GRM8: variants seen among roughly 807,000 people sequenced by gnomAD.
The protein encoded by GRM8 is metabotropic glutamate receptor 8.
GRM8 carries 47 observed loss-of-function variants against 87.2 expected under a neutral mutation model. The observed-to-expected ratio is 0.54, with a 90% CI of 0.43 to 0.69. The LOEUF (loss-of-function observed/expected upper bound fraction) is 0.69. Ranked by LOEUF, GRM8 falls within the 30% of genes least tolerant of loss-of-function variation. GRM8 has a pLI of 0.00. For synonymous variants in GRM8, 396 were observed against 404.5 expected (o/e 0.98, Z 0.25); for missense variants, 1,019 against 1,139.2 (o/e 0.89, Z 1.52).
At chr7:126,813,902 C>G (rs1315668274) in intron 6 of GRM8, among the ~76,000 whole-genome samples, 31 of 152,052 alleles carry the variant, frequency 2.0e-4, no homozygotes, top group Admixed American at 2.0e-3. Flanking sequence ...TGCATTGTCC[C>G]TTACTCAAAA....
chr7:126,914,174 G>A (rs1803617440), intron 3 of GRM8, among the ~76,000 whole-genome samples: 1 of 152,116 alleles, frequency 6.6e-6, no homozygotes, highest in African/African-American at 2.4e-5. Context: ...CGAAAAAAAT[G>A]CTCAACATCA....
Position 126,533,074 on chromosome 7 carries a change from T to C in GRM8, c.2308A>G (p.Thr770Ala), listed in dbSNP as rs906775201. ...TTGAAAGTCTCTGGGACACCTCTCG[T>C]TTTAATGGCATAAACAGTACAAGTG... ...MVTCTVYAIK[T>A]RGVPETFNEA... is the part of the protein sequence containing the mutation. The change falls in exon 9 of 11, where the codon ACG becomes GCG. Residue 770 changes from threonine to alanine, a missense_variant. Thr to Ala is a moderately conservative substitution (Grantham distance 58). Coordinates refer to ENST00000339582, the MANE Select transcript of GRM8 (RefSeq NM_000845.3). 165 of 1,613,394 alleles carry C rather than the reference T, an allele frequency of 1.0e-4. No homozygotes were observed. Among genetic ancestry groups the C allele is most frequent in the Non-Finnish European group, 1.4e-4 (162 of 1,179,794 alleles).
intron 7 of GRM8, among the ~76,000 whole-genome samples, chr7:126,632,610 T>C (rs759082010): frequency 6.6e-6 from 1 of 152,024 alleles, no homozygotes. Context: ...CTATTCACAA[T>C]AAAAAAGTCA....
intron 7 of GRM8, among the ~76,000 whole-genome samples, chr7:126,709,719 C>T (rs1222544484): frequency 6.6e-6 from 1 of 152,082 alleles, no homozygotes; most frequent in African/African-American, 2.4e-5. Context: ...ATCTATTCCT[C>T]CTTTTCCATT....
chr7:126,694,010 A>G, intron 7 of GRM8, among the ~76,000 whole-genome samples: 1 of 151,974 alleles, frequency 6.6e-6, no homozygotes, highest in East Asian at 1.9e-4. Flanking sequence ...AATTTGTATG[A>G]CCATTATAAA....
chr7:126,800,234 A>C (rs1267199860), intron 6 of GRM8, among the ~76,000 whole-genome samples: 1 of 152,050 alleles, frequency 6.6e-6, no homozygotes, highest in African/African-American at 2.4e-5. Context: ...ATCATATCCT[A>C]ATGCATTGCT....
intron 6 of GRM8, among the ~76,000 whole-genome samples, chr7:126,887,255 T>C (rs1165696288): frequency 6.6e-6 from 1 of 152,102 alleles, no homozygotes; most frequent in East Asian, 1.9e-4. Flanking sequence ...AATAAGACTG[T>C]GTATGGTTTA....
At chr7:127,040,317 G>A (rs1818305742) in intron 3 of GRM8, among the ~76,000 whole-genome samples, 1 of 152,034 alleles carries the variant, frequency 6.6e-6, no homozygotes, top group African/African-American at 2.4e-5. Context: ...CAATACCTGA[G>A]AGGCACATTC....
chr7:127,055,318 C>G (rs1819875761), intron 3 of GRM8, among the ~76,000 whole-genome samples: 1 of 152,000 alleles, frequency 6.6e-6, no homozygotes. Context: ...TCTGAAGGAT[C>G]CAAAGAGGTC....
intron 2 of GRM8, among the ~76,000 whole-genome samples, chr7:127,116,600 C>T (rs561911911): frequency 1.3e-5 from 2 of 152,284 alleles, no homozygotes; most frequent in Admixed American, 6.5e-5. Flanking sequence ...TCACCTGGTC[C>T]GCAAGGGACA....
At chr7:126,809,607 T>C (rs1374888804) in intron 6 of GRM8, among the ~76,000 whole-genome samples, 1 of 152,176 alleles carries the variant, frequency 6.6e-6, no homozygotes, top group Non-Finnish European at 1.5e-5. Flanking sequence ...ATTGATTTGT[T>C]CAAGACCTCA....
intron 8 of GRM8, among the ~76,000 whole-genome samples, chr7:126,608,786 C>G (rs1352712030): frequency 7.2e-6 from 1 of 139,280 alleles, no homozygotes; most frequent in Non-Finnish European, 1.5e-5. Context: ...TTTCTTGAGA[C>G]GGAGTCTCGC....
chr7:126,774,392 C>T (rs1045287991), intron 6 of GRM8, among the ~76,000 whole-genome samples: 1 of 152,134 alleles, frequency 6.6e-6, no homozygotes, highest in Non-Finnish European at 1.5e-5. Context: ...TTAGTGTTAA[C>T]GTATTGCTAT....
At position 126,992,853 on chromosome 7, in the gene GRM8, G is replaced by GTA. The variant is rs982392765; in HGVS notation, c.728-88172_728-88171dup. ...TATGTGTGTGTGTGTGTGTGTGTGT[G>GTA]TACACAAAGAGGTCATGTGAGCACA... On this transcript the variant is annotated intron_variant, in intron 3 of 10. Coordinates refer to ENST00000339582, the MANE Select transcript of GRM8 (RefSeq NM_000845.3). 1.4e-4 allele frequency among the ~76,000 whole-genome samples: 21 copies of GTA among 151,578 alleles called. No homozygotes were observed. The East Asian group carries it at 3.9e-3, about 28-fold the overall frequency.
intron 7 of GRM8, among the ~76,000 whole-genome samples, chr7:126,754,687 CTG>C (rs1229234006): frequency 6.6e-6 from 1 of 151,730 alleles, no homozygotes; most frequent in African/African-American, 2.4e-5. Context: ...AGAGAGGTAG[CTG>C]TGTGTTTATG....
intron 2 of GRM8, among the ~76,000 whole-genome samples, chr7:127,182,448 G>T (rs1038393028): frequency 1.3e-5 from 2 of 151,972 alleles, no homozygotes; most frequent in African/African-American, 4.8e-5. Flanking sequence ...ATTCCTTAAA[G>T]AATTTAAAGT....
intron 9 of GRM8, among the ~76,000 whole-genome samples, chr7:126,467,659 ATAAC>A (rs1804664413): frequency 6.6e-6 from 1 of 152,080 alleles, no homozygotes; most frequent in African/African-American, 2.4e-5. Context: ...CATTACTACA[ATAAC>A]TAACATGTTA....
chr7:126,480,923 G>A (rs954335088), intron 9 of GRM8, among the ~76,000 whole-genome samples: 17 of 151,984 alleles, frequency 1.1e-4, no homozygotes, highest in Middle Eastern at 6.8e-3. Flanking sequence ...GGTTGTAGCC[G>A]GGAAAATACA....
At chr7:126,775,736 A>G (rs1380961772) in intron 6 of GRM8, among the ~76,000 whole-genome samples, 1 of 152,060 alleles carries the variant, frequency 6.6e-6, no homozygotes, top group Non-Finnish European at 1.5e-5. Context: ...TCAGTCAGGT[A>G]GATCTGGATC....
Sources: allele counts gnomAD v4.1 joint callset (sites outside exome capture counted in the v4.1 genomes callset), GRCh38; gene constraint gnomAD v4.1.1; transcripts MANE v1.5; gene names NCBI Gene and HGNC (gene_info 2026-07-23, HGNC 2026-07-21).